GLCE: variants seen among roughly 807,000 people sequenced by gnomAD.
GLCE encodes glucuronic acid epimerase, also known as D-glucuronyl C5-epimerase.
Under a neutral mutation model 47.9 loss-of-function variants are expected in GLCE, and 19 were observed. The ratio of observed to expected loss-of-function variants is 0.40; its 90% CI spans 0.28 to 0.58. The LOEUF (loss-of-function observed/expected upper bound fraction) is 0.58, where lower values mean the gene tolerates loss of function less well. Ranked by LOEUF, GLCE falls within the 20% of genes least tolerant of loss-of-function variation. GLCE has a pLI of 0.48. For missense variants in GLCE, 556 were observed against 743.3 expected (o/e 0.75, Z 2.93); for synonymous variants, 245 against 263.4 (o/e 0.93, Z 0.68).
chr15:69,170,518 A>G (rs2051573477), intron 1 of GLCE, among the ~76,000 whole-genome samples: 1 of 152,136 alleles, frequency 6.6e-6, no homozygotes, highest in South Asian at 2.1e-4. Flanking sequence ...ATGTGTATAA[A>G]TGTGTGTATA....
chr15:69,234,134 C>T (rs757057543), intron 2 of GLCE, among the ~76,000 whole-genome samples: 44 of 152,148 alleles, frequency 2.9e-4, no homozygotes, highest in East Asian at 3.9e-4. Context: ...CACGCCACTA[C>T]ACCCGGCTAA....
In GLCE at chr15:69,270,864, C is replaced by T. The variant is rs1461014593; in HGVS notation, c.*1620C>T. 1 of 152,282 alleles carries T rather than the reference C, an allele frequency of 6.6e-6. No homozygotes were observed. The highest frequency in any genetic ancestry group is 1.9e-4 in the East Asian group (1 of 5,176). The allele number at this position is 152,282 out of a possible 1,614,324, so 9.4% of individuals were successfully genotyped here. Reference sequence around the variant, plus strand: ...TTCTTAATTTTGTTCACAGTAAAAACACTTTTTTGAGTTATTAGGCTTACC... The same window carrying T: ...TTCTTAATTTTGTTCACAGTAAAAATACTTTTTTGAGTTATTAGGCTTACC... On this transcript the variant is annotated 3_prime_UTR_variant, in exon 5 of 5. Transcript: ENST00000261858.
At chr15:69,264,384 G>T (rs1264736857) in intron 4 of GLCE, among the ~76,000 whole-genome samples, 3 of 151,648 alleles carry the variant, frequency 2.0e-5, no homozygotes, top group African/African-American at 7.3e-5. Context: ...ATACACACAT[G>T]TGTGTGCACG....
intron 1 of GLCE, among the ~76,000 whole-genome samples, chr15:69,210,079 T>C (rs1413750350): frequency 6.6e-6 from 1 of 152,154 alleles, no homozygotes; most frequent in Non-Finnish European, 1.5e-5. Flanking sequence ...GGCTGTATTA[T>C]GTTCAGTCTG....
intron 1 of GLCE, among the ~76,000 whole-genome samples, chr15:69,168,500 G>T (rs2051537836): frequency 6.6e-6 from 1 of 151,524 alleles, no homozygotes; most frequent in Non-Finnish European, 1.5e-5. Flanking sequence ...TTGCTGGCAG[G>T]CATGGAGGAA....
At position 69,160,963 on chromosome 15, in the gene GLCE, AGCG is replaced by A. The variant is rs2051408947; in HGVS notation, c.-105+208_-105+210del. Among the ~76,000 whole-genome samples, 1 of 143,082 alleles carries A rather than the reference AGCG, an allele frequency of 7.0e-6. No individual in the cohort carries two copies. The highest frequency in any genetic ancestry group is 2.0e-4 in the East Asian group (1 of 4,886). 93.9% of individuals were successfully genotyped at this position (143,082 alleles called of 152,430 possible). On this transcript the variant is annotated intron_variant, in intron 1 of 4. Coordinates refer to ENST00000261858, the MANE Select transcript of GLCE (RefSeq NM_015554.3). This position sits in a 1 kb window ranked among gnomAD's most constrained non-coding sequence, Gnocchi z 4.2. ...GGGCGCGGGCGCCCAAGGGCGGTGT[AGCG>A]GGTGCCGGAGCTCCCGAGGTGAGGG...
Position 69,243,559 on chromosome 15 carries a change from C to T in GLCE, c.-13-12235C>T, listed in dbSNP as rs147151985. Among the ~76,000 whole-genome samples, 47 of 125,090 alleles carry T rather than the reference C, an allele frequency of 3.8e-4. 1 individual carries two copies. In the East Asian group the frequency reaches 9.8e-3, roughly 26 times the overall value. The allele number at this position is 125,090 out of a possible 152,430, so 82.1% of individuals were successfully genotyped here. ...GACCAGGCTGGGTAACTAATGAGAC[C>T]GCCCCCATCTCAAAAAAAAAAAAAG... On this transcript the variant is annotated intron_variant, in intron 2 of 4. Transcript: ENST00000261858.
At chr15:69,209,994 C>T (rs187212670) in intron 1 of GLCE, among the ~76,000 whole-genome samples, 1 of 152,146 alleles carries the variant, frequency 6.6e-6, no homozygotes, top group East Asian at 1.9e-4. Flanking sequence ...TTGCACACTT[C>T]CTTGTGAGTC....
chr15:69,257,443 A>G (rs548663503), intron 3 of GLCE, among the ~76,000 whole-genome samples: 2 of 152,162 alleles, frequency 1.3e-5, no homozygotes, highest in East Asian at 3.9e-4. Context: ...GGCTCAAGTG[A>G]TCCTCCCACC....
chr15:69,195,556 G>T (rs1004061878), intron 1 of GLCE, among the ~76,000 whole-genome samples: 1 of 152,068 alleles, frequency 6.6e-6, no homozygotes, highest in African/African-American at 2.4e-5. Flanking sequence ...TATGTGGATT[G>T]TCTACTTTAG....
intron 1 of GLCE, among the ~76,000 whole-genome samples, chr15:69,207,455 C>T (rs1327804414): frequency 6.6e-6 from 1 of 152,104 alleles, no homozygotes; most frequent in Non-Finnish European, 1.5e-5. Flanking sequence ...CCAAAATCTC[C>T]TGTAGTTTTG....
intron 1 of GLCE, among the ~76,000 whole-genome samples, chr15:69,189,822 T>G (rs1441564195): frequency 6.6e-6 from 1 of 152,154 alleles, no homozygotes; most frequent in Non-Finnish European, 1.5e-5. Context: ...TCTAATTTTT[T>G]TTTAACTTTT....
At chr15:69,222,389 G>C (rs1416081866) in intron 2 of GLCE, among the ~76,000 whole-genome samples, 1 of 152,174 alleles carries the variant, frequency 6.6e-6, no homozygotes, top group East Asian at 1.9e-4. Context: ...AGGCTTTGCT[G>C]TGTGTAGGCA....
At chr15:69,188,707 C>T (rs1035151889) in intron 1 of GLCE, among the ~76,000 whole-genome samples, 19 of 152,086 alleles carry the variant, frequency 1.2e-4, no homozygotes, top group African/African-American at 4.3e-4. Flanking sequence ...TTGCTCATGA[C>T]GTTCTCTTAC....
At chr15:69,164,497 T>C (rs766926722) in intron 1 of GLCE, among the ~76,000 whole-genome samples, 6 of 150,312 alleles carry the variant, frequency 4.0e-5, no homozygotes, top group South Asian at 4.2e-4. Context: ...TATATACATA[T>C]ATGACATGTG....
At chr15:69,240,987 G>A (rs2140418396) in intron 2 of GLCE, among the ~76,000 whole-genome samples, 1 of 152,286 alleles carries the variant, frequency 6.6e-6, no homozygotes, top group Middle Eastern at 3.4e-3. Context: ...CCAAACACCA[G>A]GAAAAATTAA....
At chr15:69,194,659 C>T (rs2051959981) in intron 1 of GLCE, 1 of 152,134 alleles carries the variant, frequency 6.6e-6, no homozygotes, top group African/African-American at 2.4e-5. Flanking sequence ...CTTCCTCTGG[C>T]ACTTGAAGTG....
At chr15:69,215,962 CA>C (rs1425487104) in intron 2 of GLCE, among the ~76,000 whole-genome samples, 1 of 151,886 alleles carries the variant, frequency 6.6e-6, no homozygotes, top group Non-Finnish European at 1.5e-5. Flanking sequence ...TCTTTTTGAC[CA>C]AATTAGCTGT....
intron 1 of GLCE, among the ~76,000 whole-genome samples, chr15:69,203,962 A>G (rs543722000): frequency 6.6e-6 from 1 of 152,244 alleles, no homozygotes; most frequent in South Asian, 2.1e-4. Flanking sequence ...TACATGTAGG[A>G]ACCAGATAGA....
Sources: gnomAD v4.1 joint callset for allele counts (sites outside exome capture counted in the v4.1 genomes callset) on GRCh38, gnomAD v4.1.1 for gene constraint, Gnocchi (gnomAD v3.1) non-coding constraint, MANE v1.5 for transcripts, NCBI Gene and HGNC (gene_info 2026-07-23, HGNC 2026-07-21) for gene names.